TG: variants seen among roughly 807,000 people sequenced by gnomAD.
TG encodes the protein thyroglobulin, also known as thyroid hormones.
In TG, 270 loss-of-function variants were observed where a neutral mutation model predicts 324.7. The observed-to-expected ratio is 0.83, with a 90% confidence interval of 0.75 to 0.92. TG has a LOEUF of 0.92. Among genes scored for constraint, TG ranks in the 40% least tolerant of loss-of-function variants. TG has a pLI of 0.00. For synonymous variants in TG, 1,401 were observed against 1,327.0 expected (o/e 1.06, Z -1.21); for missense variants, 3,591 against 3,456.4 (o/e 1.04, Z -0.98).
intron 17 of TG, 104 bp downstream of exon 17, chr8:132,907,004 A>G (rs983083738): frequency 1.6e-6 from 2 of 1,222,866 alleles, no homozygotes; most frequent in Admixed American, 4.0e-5. Context: ...ACCCAAATGT[A>G]GCACGCTGGT....
intron 40 of TG, among the ~76,000 whole-genome samples, chr8:133,023,426 T>A (rs904912860): frequency 1.3e-5 from 2 of 152,202 alleles, no homozygotes; most frequent in African/African-American, 4.8e-5. Context: ...TCAGTTTTCT[T>A]GGTGGTAAAA....
chr8:132,933,479 G>A (rs1304796434), intron 23 of TG, 82 bp from the exon 24 acceptor site: 1 of 1,034,412 alleles, frequency 9.7e-7, no homozygotes, highest in Non-Finnish European at 1.5e-6. Context: ...GGCATGTGGG[G>A]CAGGGGCAGG....
chr8:133,062,087 G>C (rs1475430911), intron 41 of TG, among the ~76,000 whole-genome samples: 2 of 152,218 alleles, frequency 1.3e-5, no homozygotes, highest in African/African-American at 4.8e-5. Flanking sequence ...GCTAGAACGG[G>C]CAGCATGTTT....
intron 45 of TG, among the ~76,000 whole-genome samples, chr8:133,128,212 G>A (rs962760829): frequency 5.3e-5 from 8 of 152,052 alleles, no homozygotes; most frequent in Admixed American, 5.2e-4. Flanking sequence ...CCATCCAGAG[G>A]ACAGTGCACA....
intron 36 of TG, 48 bp from the exon 37 acceptor site, chr8:133,013,552 G>A: frequency 1.2e-6 from 2 of 1,611,578 alleles, no homozygotes; most frequent in Non-Finnish European, 1.7e-6. Context: ...CATGAGTGAA[G>A]TAACATCTCT....
chr8:133,085,290 CT>C (rs1361374067), intron 41 of TG, among the ~76,000 whole-genome samples: 1 of 152,272 alleles, frequency 6.6e-6, no homozygotes, highest in East Asian at 1.9e-4. Context: ...GGACCTTGCA[CT>C]AGGCAAGCAT....
chr8:133,087,297 G>T (rs948722840), intron 41 of TG, among the ~76,000 whole-genome samples: 1 of 152,150 alleles, frequency 6.6e-6, no homozygotes, highest in African/African-American at 2.4e-5. Flanking sequence ...ATAAGCTAAG[G>T]TCGCACTGAT....
chr8:132,995,932 G>A (rs1386693508), intron 35 of TG, among the ~76,000 whole-genome samples: 2 of 152,206 alleles, frequency 1.3e-5, no homozygotes, highest in African/African-American at 4.8e-5. Flanking sequence ...AAACTGAACA[G>A]ATGCTGGGCC....
chr8:132,907,168 C>T (rs567191184), intron 17 of TG, among the ~76,000 whole-genome samples: 1 of 152,286 alleles, frequency 6.6e-6, no homozygotes, highest in South Asian at 2.1e-4. Context: ...TTCCAACTTT[C>T]TTGGGATGTC....
chr8:132,880,829 T>G (rs1210162637), intron 5 of TG, among the ~76,000 whole-genome samples: 1 of 152,256 alleles, frequency 6.6e-6, no homozygotes, highest in Non-Finnish European at 1.5e-5. Context: ...GCTAGAATTT[T>G]TAAGCATTGT....
At chr8:133,074,766 T>G (rs1471650427) in intron 41 of TG, 1 of 777,776 alleles carries the variant, frequency 1.3e-6, no homozygotes, top group Non-Finnish European at 1.6e-6. Context: ...CCTTTCTGAC[T>G]CCAGAAAGTC....
At chr8:133,074,750 G>C (rs1844609060) in intron 41 of TG, 2 of 610,158 alleles carry the variant, frequency 3.3e-6, no homozygotes, top group African/African-American at 2.0e-5. Flanking sequence ...CTGTTCTCAG[G>C]GAGCTCCTTT....
intron 17 of TG, 52 bp downstream of exon 17, chr8:132,906,952 G>A (rs1420876896): frequency 2.6e-6 from 4 of 1,548,884 alleles, no homozygotes; most frequent in Admixed American, 1.9e-5. Flanking sequence ...TCAGGGCTAG[G>A]GCTGGGACCG....
intron 35 of TG, among the ~76,000 whole-genome samples, chr8:133,004,649 A>T (rs1345254455): frequency 6.6e-6 from 1 of 152,120 alleles, no homozygotes; most frequent in Non-Finnish European, 1.5e-5. Flanking sequence ...GTGTTTGGTG[A>T]GTGGGTGAGA....
chr8:133,087,700 C>A (rs905127323), intron 41 of TG: 1 of 152,192 alleles, frequency 6.6e-6, no homozygotes, highest in African/African-American at 2.4e-5. Context: ...CAATAGAACT[C>A]CTCCATCATT....
chr8:133,052,794 G>A (rs1036834360), intron 41 of TG, among the ~76,000 whole-genome samples: 2 of 152,214 alleles, frequency 1.3e-5, no homozygotes, highest in African/African-American at 4.8e-5. Flanking sequence ...CCAGCAAGGG[G>A]GTCTCAGGCG....
chr8:132,988,167 G>A (rs1000378703), intron 35 of TG, among the ~76,000 whole-genome samples: 1 of 151,728 alleles, frequency 6.6e-6, no homozygotes, highest in Non-Finnish European at 1.5e-5. Context: ...CTGCACAGTG[G>A]AACTGTTCCT....
At chr8:133,095,714 A>T (rs1460921951) in intron 42 of TG, among the ~76,000 whole-genome samples, 1 of 152,230 alleles carries the variant, frequency 6.6e-6, no homozygotes, top group Non-Finnish European at 1.5e-5. Flanking sequence ...GCTGGCCTTC[A>T]CATTAATGAA....
intron 43 of TG, among the ~76,000 whole-genome samples, chr8:133,111,333 A>G (rs187924247): frequency 6.6e-6 from 1 of 152,242 alleles, no homozygotes; most frequent in Admixed American, 6.5e-5. Context: ...ATTATGGTTC[A>G]TAAAATGGGA....
Sources: allele counts gnomAD v4.1 joint callset (sites outside exome capture counted in the v4.1 genomes callset), GRCh38; gene constraint gnomAD v4.1.1; transcripts MANE v1.5; gene names NCBI Gene and HGNC (gene_info 2026-07-23, HGNC 2026-07-21).